The following MYH10 variants were observed in gnomAD, a reference collection of about 807,000 sequenced individuals.
The protein encoded by MYH10 is myosin-10.
MYH10 carries 55 observed loss-of-function variants against 257.8 expected under a neutral mutation model. The observed-to-expected ratio is 0.21, with a 90% CI of 0.17 to 0.27. The LOEUF (loss-of-function observed/expected upper bound fraction) is 0.27. MYH10 is among the 10% of genes least tolerant of loss of function. MYH10 has a pLI of 1.00. For missense variants in MYH10, 1,631 were observed against 2,500.6 expected (o/e 0.65, Z 7.42); for synonymous variants, 854 against 921.7 (o/e 0.93, Z 1.33).
At chr17:8,629,180 A>G (rs1652668713) in intron 1 of MYH10, among the ~76,000 whole-genome samples, 1 of 152,250 alleles carries the variant, frequency 6.6e-6, no homozygotes, top group Non-Finnish European at 1.5e-5. Context: ...AGATACTATC[A>G]AGAATAATTA....
At chr17:8,519,539 G>A (rs368593362) in intron 19 of MYH10, among the ~76,000 whole-genome samples, 40 of 151,458 alleles carry the variant, frequency 2.6e-4, no homozygotes, top group African/African-American at 8.0e-4. Context: ...TATTAAAGGA[G>A]GAATCCTGGC....
At chr17:8,523,606 T>A (rs1402221559) in intron 17 of MYH10, among the ~76,000 whole-genome samples, 3 of 152,042 alleles carry the variant, frequency 2.0e-5, no homozygotes, top group Non-Finnish European at 4.4e-5. Context: ...GAGGAGCTTA[T>A]GACACTCGCA....
intron 17 of MYH10, among the ~76,000 whole-genome samples, chr17:8,526,216 C>T (rs1299180403): frequency 6.6e-6 from 1 of 152,156 alleles, no homozygotes. Context: ...TATGATTTCA[C>T]TCAATAATCA....
chr17:8,557,150 A>G (rs1231624113), intron 7 of MYH10, among the ~76,000 whole-genome samples: 1 of 152,254 alleles, frequency 6.6e-6, no homozygotes, highest in East Asian at 1.9e-4. Flanking sequence ...GCTACCTACT[A>G]AAGAAGTTCC....
chr17:8,576,745 A>G, intron 5 of MYH10, 73 bp from the exon 6 acceptor site: 1 of 1,438,424 alleles, frequency 7.0e-7, no homozygotes, highest in East Asian at 2.5e-5. Context: ...CCATTTCCAA[A>G]GCACCAAGCC....
chr17:8,622,402 A>G (rs1329451302), intron 2 of MYH10, among the ~76,000 whole-genome samples: 2 of 152,014 alleles, frequency 1.3e-5, no homozygotes, highest in Non-Finnish European at 2.9e-5. Flanking sequence ...CCTCAATCTT[A>G]CCCTAATTGT....
intron 31 of MYH10, 60 bp from the exon 32 acceptor site, chr17:8,493,945 C>T: frequency 6.5e-7 from 1 of 1,539,116 alleles, no homozygotes; most frequent in Non-Finnish European, 8.8e-7. Context: ...ACAAATACAC[C>T]TGTATTAAAG....
At chr17:8,585,226 A>G (rs1213992854) in intron 4 of MYH10, among the ~76,000 whole-genome samples, 3 of 11,178 alleles carry the variant, frequency 2.7e-4, no homozygotes, top group Admixed American at 1.8e-3. Flanking sequence ...GTGTACATAT[A>G]TGTGTGTGTA....
chr17:8,480,713 C>T (rs554937925), intron 38 of MYH10, 188 bp from the exon 39 acceptor site: 61 of 714,506 alleles, frequency 8.5e-5, no homozygotes, highest in South Asian at 7.5e-4. Flanking sequence ...CACCCTCCCC[C>T]GCTGCCACCA....
intron 8 of MYH10, among the ~76,000 whole-genome samples, chr17:8,553,517 T>C (rs1380057316): frequency 6.6e-6 from 1 of 152,228 alleles, no homozygotes; most frequent in Admixed American, 6.5e-5. Context: ...GACTATTCTA[T>C]GTACTTGACA....
chr17:8,484,005 A>G, intron 37 of MYH10, 133 bp downstream of exon 37: 1 of 759,830 alleles, frequency 1.3e-6, no homozygotes, highest in East Asian at 3.0e-5. Context: ...AAAAATGGAT[A>G]CTTAAAAAAA....
chr17:8,535,663 A>AT lies in MYH10; in HGVS notation c.1779+94dup, dbSNP rs568239449. 7.4e-4 allele frequency: 989 copies of AT among 1,337,378 alleles called. 2 individuals carry two copies. Among genetic ancestry groups the AT allele is most frequent in the Non-Finnish European group, 9.5e-4 (910 of 961,594 alleles). The allele number at this position is 1,337,378 out of a possible 1,614,324, so 82.8% of individuals were successfully genotyped here. ...TAATATATACTGTATTTGTTTATAA[A>AT]TGTTTATCAGCACCTTTGTTACACC... On this transcript the variant is annotated intron_variant, in intron 15 of 42. Transcript: ENST00000360416. This position sits in a 1 kb window ranked among gnomAD's most constrained non-coding sequence, Gnocchi z 4.3.
At chr17:8,624,830 G>C (rs1269514998) in intron 1 of MYH10, among the ~76,000 whole-genome samples, 2 of 152,180 alleles carry the variant, frequency 1.3e-5, no homozygotes, top group African/African-American at 2.4e-5. Context: ...AAGGTGGGAG[G>C]AGTGCTTGAA....
At chr17:8,609,855 C>A (rs1386217641) in intron 2 of MYH10, among the ~76,000 whole-genome samples, 1 of 151,734 alleles carries the variant, frequency 6.6e-6, no homozygotes, top group African/African-American at 2.4e-5. Flanking sequence ...GGATAACTAA[C>A]ATTAGTTGCT....
chr17:8,498,288 A>G (rs1916980899), intron 30 of MYH10, among the ~76,000 whole-genome samples: 1 of 151,876 alleles, frequency 6.6e-6, no homozygotes, highest in African/African-American at 2.4e-5. Context: ...GCCCGGCCCC[A>G]TACTATACCA....
At chr17:8,564,716 A>G (rs1413778371) in intron 7 of MYH10, among the ~76,000 whole-genome samples, 1 of 152,328 alleles carries the variant, frequency 6.6e-6, no homozygotes, top group South Asian at 2.1e-4. Flanking sequence ...ATCCATAAAT[A>G]TACCTGTGGG....
intron 4 of MYH10, among the ~76,000 whole-genome samples, chr17:8,577,593 G>A (rs752365384): frequency 5.3e-5 from 8 of 152,074 alleles, no homozygotes; most frequent in Non-Finnish European, 1.2e-4. Flanking sequence ...GTGCAGTGGC[G>A]CGATCTTGGC....
rs1238998143 is a variant in MYH10, at chr17:8,595,248, T to C, written c.503-6140A>G. Among the ~76,000 whole-genome samples the C allele has an allele frequency of 5.9e-5, 9 of 152,242 alleles. No individual in the cohort carries two copies. The South Asian group carries it at 6.2e-4, about 11-fold the overall frequency. ...TATTTTTGGCTACAGTAAAGGATAA[T>C]GGGTGATTCATAAGAAACCTAATGA... On this transcript the variant is annotated intron_variant, in intron 3 of 42. Coordinates refer to ENST00000360416, the MANE Select transcript of MYH10 (RefSeq NM_001256012.3).
At chr17:8,541,526 C>A (rs970174561) in intron 14 of MYH10, among the ~76,000 whole-genome samples, 2 of 152,104 alleles carry the variant, frequency 1.3e-5, no homozygotes, top group South Asian at 2.1e-4. Context: ...GTTATACACT[C>A]GAAGCTTGAA....
Sources: allele counts gnomAD v4.1 joint callset (sites outside exome capture counted in the v4.1 genomes callset), GRCh38; gene constraint gnomAD v4.1.1; non-coding constraint Gnocchi (gnomAD v3.1); transcripts MANE v1.5; gene names NCBI Gene and HGNC (gene_info 2026-07-23, HGNC 2026-07-21).